Variants in CDH11 observed in about 807,000 individuals in gnomAD.
CDH11 encodes the protein cadherin-11.
Under a neutral mutation model 67.8 loss-of-function variants are expected in CDH11, and 11 were observed. The ratio of observed to expected loss-of-function variants is 0.16; its 90% CI spans 0.10 to 0.27. The LOEUF (loss-of-function observed/expected upper bound fraction) is 0.27. Ranked by LOEUF, CDH11 falls within the 10% of genes least tolerant of loss-of-function variation. The pLI, the probability that CDH11 is intolerant of heterozygous loss-of-function variation, is 1.00. For missense variants in CDH11, 847 were observed against 1,031.2 expected, an observed-to-expected ratio of 0.82 and a Z score of 2.45; for synonymous variants, 419 against 400.0, an observed-to-expected ratio of 1.05 and a Z score of -0.57.
chr16:64,958,539 TC>T (rs1282437524), intron 11 of CDH11, among the ~76,000 whole-genome samples: 1 of 152,054 alleles, frequency 6.6e-6, no homozygotes, highest in Non-Finnish European at 1.5e-5. Context: ...GATTATAATA[TC>T]CCATATCTTA....
chr16:65,121,985 A>T lies in CDH11; in HGVS notation c.-403T>A, dbSNP rs1469061076. The T allele has an allele frequency of 4.3e-6, 3 of 700,884 alleles. No homozygotes were observed. Among genetic ancestry groups the T allele is most frequent in the Non-Finnish European group, 7.8e-6 (3 of 384,120 alleles). The allele number at this position is 700,884 out of a possible 1,614,324, so 43.4% of individuals were successfully genotyped here. A position where few individuals can be genotyped will look rare whatever the true frequency, so the allele number is the denominator to read the frequency against. On this transcript the variant is annotated 5_prime_UTR_variant, in exon 1 of 13. Transcript: ENST00000268603. The surrounding 1 kb of genome is among the most constrained non-coding windows in gnomAD (Gnocchi z 4.1). ...CCAGTCCCGGTCCCATTCACAAGTC[A>T]GCGGCGGCTGCGAGCGGCCCCCGCG...
At position 64,984,736 on chromosome 16, in the gene CDH11, A is replaced by G. The variant is rs545619479; in HGVS notation, c.1000-2435T>C. ...TTATTAAGGACATAATGATTCGTCAATAGGATGGGATGTTATGTAGTCATT... is the reference window on the plus strand; with the variant it reads ...TTATTAAGGACATAATGATTCGTCAGTAGGATGGGATGTTATGTAGTCATT... On this transcript the variant is annotated intron_variant, in intron 7 of 12. Transcript: ENST00000268603. 4 of 152,342 alleles carry G rather than the reference A, an allele frequency of 2.6e-5. No individual in the cohort carries two copies. The South Asian group carries it at 6.2e-4, about 24-fold the overall frequency. 9.4% of individuals were successfully genotyped at this position (152,342 alleles called of 1,614,324 possible).
At chr16:65,000,212 C>G (rs972541268) in intron 3 of CDH11, among the ~76,000 whole-genome samples, 1 of 152,084 alleles carries the variant, frequency 6.6e-6, no homozygotes, top group Admixed American at 6.5e-5. Flanking sequence ...TCTGTTCTGC[C>G]CTCACTCTGC....
chr16:64,963,034 G>A (rs139859494), intron 11 of CDH11, among the ~76,000 whole-genome samples: 7 of 152,128 alleles, frequency 4.6e-5, no homozygotes, highest in African/African-American at 1.2e-4. Flanking sequence ...CACCATTTCC[G>A]TTATGAAGAA....
At chr16:65,045,329 G>GTATATATATATATATATATA (rs57695452) in intron 2 of CDH11, among the ~76,000 whole-genome samples, 6 of 63,278 alleles carry the variant, frequency 9.5e-5, no homozygotes, top group Admixed American at 2.9e-4. Flanking sequence ...TCCCTCAAAA[G>GTATATATATATATATATATA]TATATATATA....
At chr16:64,950,700 CA>C (rs1289969747) in intron 12 of CDH11, 66 bp downstream of exon 12, 32 of 1,560,278 alleles carry the variant, frequency 2.1e-5, no homozygotes, top group Non-Finnish European at 2.7e-5. Flanking sequence ...ATTTGAGAAG[CA>C]TGTGTTTCAA....
intron 2 of CDH11, among the ~76,000 whole-genome samples, chr16:65,026,738 C>T (rs957945902): frequency 1.3e-5 from 2 of 152,180 alleles, no homozygotes; most frequent in Non-Finnish European, 2.9e-5. Flanking sequence ...GTTCTCCAGT[C>T]TGCCCACCTC....
chr16:65,070,200 G>T (rs993731810), intron 1 of CDH11, among the ~76,000 whole-genome samples: 1 of 152,114 alleles, frequency 6.6e-6, no homozygotes, highest in South Asian at 2.1e-4. Context: ...GTTATTTTAT[G>T]GGGCAACAAA....
chr16:64,968,919 G>T (rs1486455469), intron 11 of CDH11, among the ~76,000 whole-genome samples: 1 of 152,158 alleles, frequency 6.6e-6, no homozygotes, highest in Non-Finnish European at 1.5e-5. Flanking sequence ...TCTATTAAAT[G>T]ATAATTATAG....
Position 64,982,195 on chromosome 16 carries a change from G to A in CDH11, c.1106C>T (p.Thr369Ile), listed in dbSNP as rs749961806. 6.2e-6 allele frequency: 10 copies of A among 1,613,986 alleles called. No homozygotes were observed. Among genetic ancestry groups the A allele is most frequent in the Non-Finnish European group, 8.5e-6 (10 of 1,179,890 alleles). ...ISNGPFKDTV[T>I]VKISVEDADE... Reference sequence around the variant, plus strand: ...AGCATCTTCTACTGAGATCTTGACGGTCACAGTGTCCTTGAAAGGGCCATT... The same window carrying A: ...AGCATCTTCTACTGAGATCTTGACGATCACAGTGTCCTTGAAAGGGCCATT... Residue 369 changes from threonine (T) to isoleucine (I), a missense_variant, in exon 8 of 13, where the codon ACC becomes ATC. This residue lies in a region of CDH11 where 612 missense variants were observed against 678.7 expected (regional missense o/e 0.90). Coordinates refer to ENST00000268603, the MANE Select transcript of CDH11 (RefSeq NM_001797.4).
intron 1 of CDH11, among the ~76,000 whole-genome samples, chr16:65,091,029 G>A (rs1180108407): frequency 1.3e-5 from 2 of 152,178 alleles, no homozygotes; most frequent in Admixed American, 6.5e-5. Flanking sequence ...TTCTCTACAT[G>A]CTCTGATATA....
At chr16:65,043,744 C>A (rs976750237) in intron 2 of CDH11, among the ~76,000 whole-genome samples, 2 of 152,076 alleles carry the variant, frequency 1.3e-5, no homozygotes, top group African/African-American at 4.8e-5. Context: ...GTTCTTGATG[C>A]TTCCAAAAAA....
At chr16:64,979,524 T>C (rs529817011) in intron 8 of CDH11, among the ~76,000 whole-genome samples, 1 of 152,050 alleles carries the variant, frequency 6.6e-6, no homozygotes, top group South Asian at 2.1e-4. Context: ...ACTATAATGA[T>C]ATATCATTTC....
At chr16:65,011,233 T>C (rs1225891629) in intron 2 of CDH11, among the ~76,000 whole-genome samples, 1 of 151,898 alleles carries the variant, frequency 6.6e-6, no homozygotes, top group Non-Finnish European at 1.5e-5. Context: ...GTAATTCTAA[T>C]GCAAGTTTAC....
At chr16:65,112,277 C>T (rs902667480) in intron 1 of CDH11, among the ~76,000 whole-genome samples, 1 of 152,090 alleles carries the variant, frequency 6.6e-6, no homozygotes, top group African/African-American at 2.4e-5. Context: ...AATGCTACAA[C>T]CACCACCAGG....
At chr16:65,077,679 C>T (rs747678252) in intron 1 of CDH11, among the ~76,000 whole-genome samples, 82 of 152,330 alleles carry the variant, frequency 5.4e-4, no homozygotes, top group Non-Finnish European at 9.4e-4. Flanking sequence ...CAATATGCTT[C>T]ACAAGGGAAA....
chr16:64,989,547 G>A (rs764456277), intron 6 of CDH11, among the ~76,000 whole-genome samples: 5 of 152,134 alleles, frequency 3.3e-5, no homozygotes, highest in Non-Finnish European at 7.3e-5. Flanking sequence ...AAAACCCTAA[G>A]GTGAGAAGAT....
chr16:65,000,619 G>C (rs917037372), intron 3 of CDH11, among the ~76,000 whole-genome samples: 6 of 151,860 alleles, frequency 4.0e-5, no homozygotes, highest in Non-Finnish European at 7.4e-5. Context: ...CAACATGCTG[G>C]CCAAGATGCT....
chr16:64,981,891 C>T, intron 8 of CDH11, 157 bp downstream of exon 8: 1 of 621,770 alleles, frequency 1.6e-6, no homozygotes, highest in East Asian at 2.8e-5. Context: ...TGAAGGGAAG[C>T]TCATGTCTTC....
Sources: allele counts gnomAD v4.1 joint callset (sites outside exome capture counted in the v4.1 genomes callset), GRCh38; gene constraint gnomAD v4.1.1; regional missense constraint gnomAD v4.1.1; non-coding constraint Gnocchi (gnomAD v3.1); transcripts MANE v1.5; gene names NCBI Gene and HGNC (gene_info 2026-07-23, HGNC 2026-07-21).